The following CHN2 variants were observed in gnomAD, a reference collection of about 807,000 sequenced individuals.
The protein encoded by CHN2 is beta-chimaerin.
A neutral mutation model predicts 56.3 loss-of-function variants in CHN2; 35 were observed. That is an observed-to-expected ratio of 0.62 (90% CI 0.47 to 0.82). CHN2 has a LOEUF of 0.82. CHN2 is among the 40% of genes least tolerant of loss of function. The pLI is 0.00. For missense variants in CHN2, 491 were observed against 580.5 expected, an observed-to-expected ratio of 0.85 and a Z score of 1.58; for synonymous variants, 210 against 212.8, an observed-to-expected ratio of 0.99 and a Z score of 0.12.
At chr7:29,356,554 T>C (rs1798330334) in intron 2 of CHN2, among the ~76,000 whole-genome samples, 1 of 152,210 alleles carries the variant, frequency 6.6e-6, no homozygotes, top group African/African-American at 2.4e-5. Flanking sequence ...ATGTTAGGCA[T>C]TTTTGTTGTT....
intron 1 of CHN2, among the ~76,000 whole-genome samples, chr7:29,265,275 G>A (rs940061059): frequency 6.6e-4 from 101 of 152,218 alleles, no homozygotes; most frequent in African/African-American, 2.1e-3. Context: ...TCCTCAGCAC[G>A]CTCTTGGTTT....
intron 6 of CHN2, among the ~76,000 whole-genome samples, chr7:29,432,164 C>T (rs181692487): frequency 5.3e-5 from 8 of 152,194 alleles, no homozygotes; most frequent in African/African-American, 1.2e-4. Context: ...AGTTGTGAAC[C>T]GGTTTTCCCT....
intron 1 of CHN2, among the ~76,000 whole-genome samples, chr7:29,245,410 G>A (rs1307745151): frequency 6.6e-6 from 1 of 152,212 alleles, no homozygotes. Context: ...CACATACTTA[G>A]TATCTTTTGA....
intron 7 of CHN2, among the ~76,000 whole-genome samples, chr7:29,484,205 A>G (rs1351300418): frequency 2.6e-5 from 4 of 152,194 alleles, no homozygotes; most frequent in African/African-American, 4.8e-5. Context: ...CCTGTAGCCA[A>G]TACTGGTTTA....
In CHN2 at chr7:29,480,293, T is replaced by C. The variant is rs762645556; in HGVS notation, c.591T>C (p.Val197=). The C allele has an allele frequency of 1.2e-5, 19 of 1,614,086 alleles. No homozygotes were observed. The highest frequency in any genetic ancestry group is 1.5e-5 in the Non-Finnish European group (18 of 1,180,046). Residue 197 remains valine, a synonymous_variant, in exon 7 of 13, where the codon GTT becomes GTC. Coordinates refer to ENST00000222792, the MANE Select transcript of CHN2 (RefSeq NM_004067.4). ...CCTGTTCACAGATCTCCTCCCTGGT[T>C]CGAAGGGCTGCCCTCACACACAACG... ...HTAVEKISSL[V]RRAALTHNDN... is the part of the protein sequence containing the mutation.
intron 2 of CHN2, among the ~76,000 whole-genome samples, chr7:29,183,056 G>A (rs978199595): frequency 4.0e-5 from 6 of 151,158 alleles, no homozygotes; most frequent in Non-Finnish European, 5.9e-5. Context: ...AGACAGGTAC[G>A]AAGGCAACTG....
intron 2 of CHN2, among the ~76,000 whole-genome samples, chr7:29,359,832 GGTTAT>G (rs1798587813): frequency 6.6e-6 from 1 of 152,232 alleles, no homozygotes; most frequent in Non-Finnish European, 1.5e-5. Flanking sequence ...CAATCACCAT[GGTTAT>G]GCTCTGAAAG....
rs1788958168 is a variant in CHN2 at position 29,255,044 on chromosome 7, CAGGAA to C, written c.49+60057_49+60061del. Among the ~76,000 whole-genome samples the C allele has an allele frequency of 2.0e-5, 3 of 152,214 alleles. No individual in the cohort carries two copies. In the South Asian group the frequency reaches 6.2e-4, roughly 32 times the overall value. ...GAGGTACTGGAAGACCAGGGGAACA[CAGGAA>C]AGAGTTCAGGTCCATTTACACCAGG... is the stretch of plus-strand genomic sequence containing the variant. On this transcript the variant is annotated intron_variant, in intron 1 of 12. Transcript: ENST00000222792.
chr7:29,288,431 G>A lies in CHN2; in HGVS notation c.50-66194G>A, dbSNP rs183059489. Among the ~76,000 whole-genome samples the A allele has an allele frequency of 1.9e-3, 288 of 152,306 alleles. 1 individual carries two copies. Among genetic ancestry groups the A allele is most frequent in the African/African-American group, 6.5e-3 (269 of 41,568 alleles). On this transcript the variant is annotated intron_variant, in intron 1 of 12. Coordinates refer to ENST00000222792, the MANE Select transcript of CHN2 (RefSeq NM_004067.4). ...GTAGCTGTTAATGAGACTCATCTGC[G>A]TTTTGTGATTCCTTAGAATTTGTGG...
intron 9 of CHN2, among the ~76,000 whole-genome samples, chr7:29,501,892 C>T (rs1790007558): frequency 6.6e-6 from 1 of 152,142 alleles, no homozygotes; most frequent in Admixed American, 6.5e-5. Flanking sequence ...AATTATCAGC[C>T]CTGTCTCTTA....
intron 6 of CHN2, among the ~76,000 whole-genome samples, chr7:29,434,095 G>A (rs1223753569): frequency 6.6e-6 from 1 of 152,108 alleles, no homozygotes; most frequent in Non-Finnish European, 1.5e-5. Flanking sequence ...AAAATGAAAA[G>A]TGCACTAAGA....
At chr7:29,374,578 C>T (rs1799879824) in intron 3 of CHN2, among the ~76,000 whole-genome samples, 1 of 151,964 alleles carries the variant, frequency 6.6e-6, no homozygotes, top group Non-Finnish European at 1.5e-5. Context: ...GTCATAAGCG[C>T]TTGGGTAAGG....
intron 1 of CHN2, among the ~76,000 whole-genome samples, chr7:29,196,939 G>A (rs1366605111): frequency 6.6e-6 from 1 of 152,214 alleles, no homozygotes; most frequent in Non-Finnish European, 1.5e-5. Flanking sequence ...GGGCATGGAT[G>A]TATTGTTTGG....
chr7:29,200,429 TTTCC>T (rs1334121180), intron 1 of CHN2, among the ~76,000 whole-genome samples: 78 of 138,830 alleles, frequency 5.6e-4, no homozygotes, highest in African/African-American at 1.9e-3. Flanking sequence ...TCCTTCCTTC[TTTCC>T]TTCCTTCCTT....
intron 1 of CHN2, among the ~76,000 whole-genome samples, chr7:29,286,844 C>G (rs1210023702): frequency 6.6e-6 from 1 of 152,184 alleles, no homozygotes; most frequent in Non-Finnish European, 1.5e-5. Flanking sequence ...CCTTTATTCA[C>G]ATTCATTTAT....
intron 11 of CHN2, 148 bp from the exon 12 acceptor site, chr7:29,509,153 C>T (rs1401453334): frequency 3.3e-6 from 2 of 614,214 alleles, no homozygotes; most frequent in South Asian, 1.8e-5. Flanking sequence ...AGGACACCAA[C>T]AAATTGATTA....
chr7:29,189,076 G>C (rs898719679), intron 2 of CHN2, among the ~76,000 whole-genome samples: 1 of 150,434 alleles, frequency 6.6e-6, no homozygotes, highest in East Asian at 2.0e-4. Context: ...TCAGCCTCCC[G>C]AGTAGCTGAC....
At chr7:29,384,340 G>T (rs1800760806) in intron 3 of CHN2, among the ~76,000 whole-genome samples, 1 of 152,182 alleles carries the variant, frequency 6.6e-6, no homozygotes, top group South Asian at 2.1e-4. Context: ...TTAGACCTTG[G>T]TTTGGATCTC....
At chr7:29,367,907 TC>T in intron 2 of CHN2, 24 bp from the exon 3 acceptor site, 1 of 1,596,814 alleles carries the variant, frequency 6.3e-7, no homozygotes. Context: ...ATTATTTCTC[TC>T]TCTCTCTCTC....
Sources: allele counts gnomAD v4.1 joint callset (sites outside exome capture counted in the v4.1 genomes callset), GRCh38; gene constraint gnomAD v4.1.1; transcripts MANE v1.5; gene names NCBI Gene and HGNC (gene_info 2026-07-23, HGNC 2026-07-21).